The following WWOX variants were observed in gnomAD, a reference collection of about 807,000 sequenced individuals.
WWOX encodes the protein WW domain-containing oxidoreductase.
A neutral mutation model predicts 46.2 loss-of-function variants in WWOX; 69 were observed. That is an observed-to-expected ratio of 1.49 (90% CI 1.23 to 1.82). The LOEUF (loss-of-function observed/expected upper bound fraction) is 1.82. Ranked by LOEUF, WWOX falls within the 40% of genes most tolerant of loss-of-function variation. WWOX has a pLI of 0.00. For synonymous variants in WWOX, 359 were observed against 202.6 expected (o/e 1.77, Z -6.56); for missense variants, 919 against 542.6 (o/e 1.69, Z -6.89).
At chr16:78,197,181 G>C (rs1402697832) in intron 5 of WWOX, among the ~76,000 whole-genome samples, 6 of 152,102 alleles carry the variant, frequency 3.9e-5, no homozygotes, top group Non-Finnish European at 7.3e-5. Context: ...CTGAGGCTCG[G>C]CGATACTAAG....
chr16:78,307,303 C>T (rs187687363), intron 5 of WWOX, among the ~76,000 whole-genome samples: 43 of 152,228 alleles, frequency 2.8e-4, no homozygotes, highest in Non-Finnish European at 5.3e-4. Context: ...CTTCTGGAAA[C>T]GGTGAATGTT....
intron 4 of WWOX, among the ~76,000 whole-genome samples, chr16:78,132,578 A>G (rs2033641545): frequency 6.6e-6 from 1 of 152,198 alleles, no homozygotes; most frequent in African/African-American, 2.4e-5. Context: ...TGTCCAGTCC[A>G]TGCTTATAAC....
At chr16:79,136,554 C>T (rs1020234041) in intron 8 of WWOX, among the ~76,000 whole-genome samples, 3 of 152,084 alleles carry the variant, frequency 2.0e-5, no homozygotes, top group Non-Finnish European at 2.9e-5. Context: ...AGGCTAATTT[C>T]TGTGAAATTG....
chr16:79,030,246 T>G (rs2047726341), intron 8 of WWOX, among the ~76,000 whole-genome samples: 1 of 152,232 alleles, frequency 6.6e-6, no homozygotes, highest in Admixed American at 6.5e-5. Flanking sequence ...ACTTTTATGA[T>G]TCTACTCTTT....
At chr16:78,858,750 C>A (rs996339739) in intron 8 of WWOX, among the ~76,000 whole-genome samples, 30 of 151,850 alleles carry the variant, frequency 2.0e-4, no homozygotes, top group African/African-American at 6.5e-4. Context: ...ACAATCACAG[C>A]TCACTGCAGC....
At chr16:78,217,475 C>T (rs2036759008) in intron 5 of WWOX, among the ~76,000 whole-genome samples, 1 of 152,186 alleles carries the variant, frequency 6.6e-6, no homozygotes, top group South Asian at 2.1e-4. Flanking sequence ...AAGTGGTGAA[C>T]TGCCTAAGAT....
chr16:78,099,700 G>T lies in WWOX; in HGVS notation c.-79G>T, dbSNP rs2151651351. Reference sequence around the variant, plus strand: ...TCGGGCCCCGACGCGCGCGGGTCTCGTTTGGAGCGGGAGTGAGTTCCTGAG... The same window carrying T: ...TCGGGCCCCGACGCGCGCGGGTCTCTTTTGGAGCGGGAGTGAGTTCCTGAG... On this transcript the variant is annotated 5_prime_UTR_variant, in exon 1 of 9. Transcript: ENST00000566780. 2 of 1,467,734 alleles carry T rather than the reference G, an allele frequency of 1.4e-6. No individual in the cohort carries two copies. Among genetic ancestry groups the T allele is most frequent in the Non-Finnish European group, 1.8e-6 (2 of 1,109,816 alleles). 90.9% of individuals were successfully genotyped at this position (1,467,734 alleles called of 1,614,324 possible). A position where few individuals can be genotyped will look rare whatever the true frequency, so the allele number is the denominator to read the frequency against.
At position 78,134,157 on chromosome 16, in the gene WWOX, A is replaced by G. The variant is rs185220547; in HGVS notation, c.409+19003A>G. On this transcript the variant is annotated intron_variant, in intron 4 of 8. Transcript: ENST00000566780. ...TGTTGACTTTACTAGTTGCTCAAAT[A>G]TTAGCATTGGATTTTAGAGTCAACA... 7.2e-3 allele frequency among the ~76,000 whole-genome samples: 1,099 copies of G among 152,324 alleles called. 22 individuals carry two copies. The highest frequency in any genetic ancestry group is 4.4e-3 in the African/African-American group (183 of 41,570).
At chr16:78,304,402 C>A (rs544638792) in intron 5 of WWOX, among the ~76,000 whole-genome samples, 1 of 152,176 alleles carries the variant, frequency 6.6e-6, no homozygotes, top group Non-Finnish European at 1.5e-5. Context: ...TCCAGCCATG[C>A]TGTTGCCTTC....
At chr16:78,131,738 C>G (rs1165729445) in intron 4 of WWOX, among the ~76,000 whole-genome samples, 2 of 151,820 alleles carry the variant, frequency 1.3e-5, no homozygotes, top group Non-Finnish European at 2.9e-5. Context: ...TGTGTGCCAC[C>G]ACGCCCAGCT....
In WWOX at chr16:79,080,444, C is replaced by T. The variant is rs543490806; in HGVS notation, c.1057-131164C>T. Among the ~76,000 whole-genome samples, 11 of 152,262 alleles carry T rather than the reference C, an allele frequency of 7.2e-5. No individual in the cohort carries two copies. The East Asian group carries it at 1.7e-3, about 24-fold the overall frequency. ...AACACTGAATCCCAAATCCAAATTC[C>T]TGGGAGATAGAATTCAATTCTTCTC... On this transcript the variant is annotated intron_variant, in intron 8 of 8. Coordinates refer to ENST00000566780, the MANE Select transcript of WWOX (RefSeq NM_016373.4).
intron 8 of WWOX, among the ~76,000 whole-genome samples, chr16:78,477,446 C>A (rs944470377): frequency 1.3e-5 from 2 of 151,842 alleles, no homozygotes; most frequent in Admixed American, 6.6e-5. Flanking sequence ...AGGCCCTGTC[C>A]CAGATAAAGT....
At chr16:79,198,081 T>C (rs1175049277) in intron 8 of WWOX, among the ~76,000 whole-genome samples, 1 of 151,912 alleles carries the variant, frequency 6.6e-6, no homozygotes, top group East Asian at 1.9e-4. Flanking sequence ...TCCCAGCACT[T>C]GGGGAGGCCA....
intron 8 of WWOX, among the ~76,000 whole-genome samples, chr16:78,563,231 C>T (rs1294396401): frequency 6.6e-6 from 1 of 152,182 alleles, no homozygotes; most frequent in African/African-American, 2.4e-5. Flanking sequence ...ATTTGCAAAA[C>T]ACTTTGACAA....
rs1202610693 is a variant in WWOX, at chr16:78,099,697, C to G, written c.-82C>G. 1 of 1,452,126 alleles carries G rather than the reference C, an allele frequency of 6.9e-7. No individual in the cohort carries two copies. Among genetic ancestry groups the G allele is most frequent in the South Asian group, 1.4e-5 (1 of 69,746 alleles). 90.0% of individuals were successfully genotyped at this position (1,452,126 alleles called of 1,614,324 possible). ...CGGTCGGGCCCCGACGCGCGCGGGT[C>G]TCGTTTGGAGCGGGAGTGAGTTCCT... is the stretch of plus-strand genomic sequence containing the variant. On this transcript the variant is annotated 5_prime_UTR_variant, in exon 1 of 9. Transcript: ENST00000566780.
At chr16:78,634,746 C>A (rs2046523394) in intron 8 of WWOX, among the ~76,000 whole-genome samples, 1 of 149,594 alleles carries the variant, frequency 6.7e-6, no homozygotes, top group African/African-American at 2.5e-5. Flanking sequence ...GTGGATTCTG[C>A]CGATAAACAT....
At chr16:78,756,756 G>T (rs574977406) in intron 8 of WWOX, among the ~76,000 whole-genome samples, 2 of 152,270 alleles carry the variant, frequency 1.3e-5, no homozygotes, top group Admixed American at 1.3e-4. Flanking sequence ...CTAAGTTGGG[G>T]AATGTGGCCT....
chr16:78,986,405 C>T (rs975603532), intron 8 of WWOX, among the ~76,000 whole-genome samples: 3 of 152,158 alleles, frequency 2.0e-5, no homozygotes, highest in African/African-American at 4.8e-5. Flanking sequence ...TTGGTTTGGA[C>T]ATGAACTGGT....
chr16:78,626,801 A>G (rs1228957793), intron 8 of WWOX, among the ~76,000 whole-genome samples: 1 of 152,100 alleles, frequency 6.6e-6, no homozygotes, highest in Non-Finnish European at 1.5e-5. Flanking sequence ...TATTTATTTA[A>G]TCATTTATTT....
Sources: gnomAD v4.1 joint callset for allele counts (sites outside exome capture counted in the v4.1 genomes callset) on GRCh38, gnomAD v4.1.1 for gene constraint, MANE v1.5 for transcripts, NCBI Gene and HGNC (gene_info 2026-07-23, HGNC 2026-07-21) for gene names.